Variants in FHIT observed in about 807,000 individuals in gnomAD.
FHIT encodes the protein fragile histidine triad diadenosine triphosphatase.
FHIT carries 19 observed loss-of-function variants against 17.9 expected under a neutral mutation model. The ratio of observed to expected loss-of-function variants is 1.06; its 90% confidence interval spans 0.74 to 1.56. FHIT has a LOEUF of 1.56. Ranked by LOEUF, FHIT falls within the 40% of genes most tolerant of loss-of-function variation. FHIT has a pLI of 0.00. For missense variants in FHIT, 248 were observed against 189.2 expected, an observed-to-expected ratio of 1.31 and a Z score of -1.82; for synonymous variants, 81 against 69.7, an observed-to-expected ratio of 1.16 and a Z score of -0.81.
intron 3 of FHIT, among the ~76,000 whole-genome samples, chr3:60,987,734 C>T (rs1202806896): frequency 3.3e-5 from 5 of 152,156 alleles, no homozygotes; most frequent in Admixed American, 3.3e-4. Context: ...AGAGCCAAAT[C>T]AGTAAGTCCC....
intron 4 of FHIT, among the ~76,000 whole-genome samples, chr3:60,539,845 A>G (rs2036123260): frequency 6.6e-6 from 1 of 152,136 alleles, no homozygotes; most frequent in African/African-American, 2.4e-5. Context: ...AACGTGAATG[A>G]CAAGTTAATG....
chr3:60,106,951 C>CT (rs1025143706), intron 5 of FHIT, among the ~76,000 whole-genome samples: 4 of 152,016 alleles, frequency 2.6e-5, no homozygotes, highest in Admixed American at 2.0e-4. Context: ...GGAAACGAAA[C>CT]TTTTTTATTG....
At chr3:60,432,903 G>T (rs182063759) in intron 5 of FHIT, among the ~76,000 whole-genome samples, 44 of 113,028 alleles carry the variant, frequency 3.9e-4, no homozygotes, top group African/African-American at 1.3e-3. Flanking sequence ...CAAAACATTT[G>T]CTAGAAGAAT....
intron 2 of FHIT, among the ~76,000 whole-genome samples, chr3:61,136,098 G>A (rs2036907204): frequency 6.6e-6 from 1 of 152,054 alleles, no homozygotes; most frequent in African/African-American, 2.4e-5. Flanking sequence ...GAATGAGGTA[G>A]ACAACATCCA....
chr3:60,771,113 T>G (rs1553722959), intron 4 of FHIT, among the ~76,000 whole-genome samples: 1 of 152,216 alleles, frequency 6.6e-6, no homozygotes, highest in African/African-American at 2.4e-5. Flanking sequence ...GCATTCCTTT[T>G]CCAACTCAAT....
intron 5 of FHIT, among the ~76,000 whole-genome samples, chr3:60,022,189 T>A (rs933172699): frequency 5.4e-5 from 8 of 149,014 alleles, no homozygotes; most frequent in Admixed American, 2.7e-4. Context: ...TTTTTCTGTT[T>A]TTTCAAACAA....
At chr3:60,379,987 T>G (rs1700731837) in intron 5 of FHIT, among the ~76,000 whole-genome samples, 1 of 152,196 alleles carries the variant, frequency 6.6e-6, no homozygotes, top group Non-Finnish European at 1.5e-5. Context: ...TAATAATAGC[T>G]AAAATTTAGA....
rs372062684 is a variant in FHIT at position 60,091,059 on chromosome 3, C to G, written c.104-76907G>C. On this transcript the variant is annotated intron_variant, in intron 5 of 9. Coordinates refer to ENST00000492590, the MANE Select transcript of FHIT (RefSeq NM_002012.4). The stretch of plus-strand genomic sequence containing the variant: ...TGACCTCAGCTCACTGATGCAGAAG[C>G]AGACAGTCGTCTCCTTGGAAAAGGC... Among the ~76,000 whole-genome samples, 7 of 152,194 alleles carry G rather than the reference C, an allele frequency of 4.6e-5. No individual in the cohort carries two copies. The East Asian group carries it at 5.8e-4, about 13-fold the overall frequency.
chr3:60,490,292 G>C (rs385483), intron 5 of FHIT, among the ~76,000 whole-genome samples: 1 of 151,572 alleles, frequency 6.6e-6, no homozygotes, highest in Non-Finnish European at 1.5e-5. Flanking sequence ...ATTAGACATC[G>C]TTACTGCTTC....
At chr3:60,520,961 A>G (rs774571668) in intron 5 of FHIT, among the ~76,000 whole-genome samples, 53 of 152,264 alleles carry the variant, frequency 3.5e-4, no homozygotes, top group Admixed American at 9.8e-4. Flanking sequence ...GCCTCATAGA[A>G]GAGAAAAAAA....
intron 5 of FHIT, among the ~76,000 whole-genome samples, chr3:60,517,684 A>G (rs1461531891): frequency 6.6e-6 from 1 of 152,224 alleles, no homozygotes; most frequent in African/African-American, 2.4e-5. Flanking sequence ...CCATAACGTC[A>G]TATTGAATAT....
intron 1 of FHIT, among the ~76,000 whole-genome samples, chr3:61,243,671 C>T (rs1229180769): frequency 2.0e-5 from 3 of 152,138 alleles, no homozygotes; most frequent in African/African-American, 7.2e-5. Context: ...AAGCATGTCA[C>T]TGAGTTTCTT....
intron 3 of FHIT, among the ~76,000 whole-genome samples, chr3:60,865,162 C>T (rs782796740): frequency 2.6e-5 from 4 of 151,974 alleles, no homozygotes; most frequent in Non-Finnish European, 2.9e-5. Flanking sequence ...ATGTGTTGAC[C>T]AAAAAACTAA....
chr3:61,250,323 A>G (rs1430084436), intron 1 of FHIT, among the ~76,000 whole-genome samples: 1 of 152,218 alleles, frequency 6.6e-6, no homozygotes. Flanking sequence ...AGTAGGGACC[A>G]CCCTTGGTAG....
At chr3:60,738,078 A>G (rs1333229215) in intron 4 of FHIT, among the ~76,000 whole-genome samples, 2 of 152,174 alleles carry the variant, frequency 1.3e-5, no homozygotes, top group Non-Finnish European at 2.9e-5. Flanking sequence ...ATACTGAGGC[A>G]GACCATAATC....
chr3:60,434,059 T>C (rs1475166080), intron 5 of FHIT, among the ~76,000 whole-genome samples: 1 of 152,116 alleles, frequency 6.6e-6, no homozygotes, highest in Non-Finnish European at 1.5e-5. Flanking sequence ...TCTAAATCTT[T>C]GTTTCACTTT....
chr3:61,113,607 T>C (rs1365101515), intron 2 of FHIT, among the ~76,000 whole-genome samples: 1 of 152,202 alleles, frequency 6.6e-6, no homozygotes, highest in Non-Finnish European at 1.5e-5. Flanking sequence ...TTCCTAGTTC[T>C]ATGTTCTAGG....
chr3:60,653,729 C>T (rs1553688905), intron 4 of FHIT, among the ~76,000 whole-genome samples: 1 of 152,030 alleles, frequency 6.6e-6, no homozygotes, highest in African/African-American at 2.4e-5. Flanking sequence ...TTAGCAGCAG[C>T]AGGATTGCAT....
At chr3:60,894,685 AAC>A (rs1491034721) in intron 3 of FHIT, among the ~76,000 whole-genome samples, 2 of 152,110 alleles carry the variant, frequency 1.3e-5, no homozygotes, top group African/African-American at 2.4e-5. Flanking sequence ...AACAAAAAAA[AAC>A]AAACAAAAAA....
Sources: gnomAD v4.1 joint callset for allele counts (sites outside exome capture counted in the v4.1 genomes callset) on GRCh38, gnomAD v4.1.1 for gene constraint, MANE v1.5 for transcripts, NCBI Gene and HGNC (gene_info 2026-07-23, HGNC 2026-07-21) for gene names.